The following LRRK1 variants were observed in gnomAD, a reference collection of about 807,000 sequenced individuals.
LRRK1 encodes the protein leucine-rich repeat serine/threonine-protein kinase 1.
LRRK1 carries 113 observed loss-of-function variants against 209.1 expected under a neutral mutation model. The observed-to-expected ratio is 0.54, with a 90% CI of 0.46 to 0.63. The LOEUF (loss-of-function observed/expected upper bound fraction) is 0.63, where lower values mean the gene tolerates loss of function less well. Ranked by LOEUF, LRRK1 falls within the 30% of genes least tolerant of loss-of-function variation. LRRK1 has a pLI of 0.00. For missense variants in LRRK1, 2,284 were observed against 2,632.2 expected (o/e 0.87, Z 2.89); for synonymous variants, 1,144 against 1,099.7 (o/e 1.04, Z -0.80).
rs2036681956 is a variant in LRRK1, at chr15:101,069,001, C to T, written c.*153C>T. The stretch of plus-strand genomic sequence containing the variant: ...TGCTAAGAAGTGCTGAGAAGTTACT[C>T]GCCTGGCGGTGGCTCCAGGGTTCTC... On this transcript the variant is annotated 3_prime_UTR_variant, in exon 34 of 34. Transcript: ENST00000388948. 5 of 714,142 alleles carry T rather than the reference C, an allele frequency of 7.0e-6. No individual in the cohort carries two copies. The Admixed American group carries it at 1.1e-4, about 15-fold the overall frequency. The allele number at this position is 714,142 out of a possible 1,614,324, so 44.2% of individuals were successfully genotyped here. A position where few individuals can be genotyped will look rare whatever the true frequency, so the allele number is the denominator to read the frequency against.
chr15:101,037,329 G>A (rs1598492), intron 20 of LRRK1, among the ~76,000 whole-genome samples: 39,719 of 152,128 alleles, frequency 0.26, 5,888 homozygotes, highest in Middle Eastern at 0.37. Context: ...AGAGTCGGTA[G>A]GCCCAACCTT....
At chr15:100,920,198 C>A (rs530838596) in intron 1 of LRRK1, 24 of 152,730 alleles carry the variant, frequency 1.6e-4, no homozygotes, top group African/African-American at 5.3e-4. Context: ...TCTCAACCTA[C>A]CCCTTCACAG....
chr15:100,945,853 G>A (rs375528486), intron 2 of LRRK1, among the ~76,000 whole-genome samples: 4 of 152,176 alleles, frequency 2.6e-5, no homozygotes, highest in East Asian at 1.9e-4. Context: ...ATTTCTAGGC[G>A]CTGTTAGTGT....
At chr15:100,989,181 A>G in intron 5 of LRRK1, 69 bp from the exon 6 acceptor site, 1 of 1,327,814 alleles carries the variant, frequency 7.5e-7, no homozygotes, top group Non-Finnish European at 1.1e-6. Flanking sequence ...CACATATCAG[A>G]GTCTGCCCTT....
At chr15:101,025,534 A>G (rs2033986881) in intron 16 of LRRK1, among the ~76,000 whole-genome samples, 1 of 152,256 alleles carries the variant, frequency 6.6e-6, no homozygotes. Context: ...TGGCTTCAGC[A>G]TCTGTTGGCT....
chr15:101,040,237 G>T (rs554182443), intron 20 of LRRK1, among the ~76,000 whole-genome samples: 6 of 151,570 alleles, frequency 4.0e-5, no homozygotes, highest in Admixed American at 2.6e-4. Flanking sequence ...TAGCTATAGG[G>T]TTATTAAAAT....
intron 20 of LRRK1, 43 bp from the exon 21 acceptor site, chr15:101,045,938 G>C: frequency 1.3e-6 from 2 of 1,575,574 alleles, no homozygotes; most frequent in Non-Finnish European, 1.7e-6. Flanking sequence ...CTGCAGTGGA[G>C]CTTGGGCCCC....
At chr15:100,929,031 T>C (rs1054549524) in intron 2 of LRRK1, among the ~76,000 whole-genome samples, 4 of 152,204 alleles carry the variant, frequency 2.6e-5, no homozygotes, top group African/African-American at 9.7e-5. Context: ...GTCAATGAGA[T>C]GCTGGGCATG....
intron 6 of LRRK1, among the ~76,000 whole-genome samples, chr15:100,990,183 A>G (rs528042525): frequency 6.6e-6 from 1 of 152,280 alleles, no homozygotes; most frequent in African/African-American, 2.4e-5. Flanking sequence ...ATTGTCTTCA[A>G]CTTGGCTTTT....
chr15:101,047,773 C>T (rs2035168859), intron 21 of LRRK1, among the ~76,000 whole-genome samples: 1 of 152,232 alleles, frequency 6.6e-6, no homozygotes, highest in Non-Finnish European at 1.5e-5. Flanking sequence ...CCTCGGGATA[C>T]ATCCAGAGCT....
At position 101,028,971 on chromosome 15, in the gene LRRK1, T is replaced by C. The variant is rs1224886642; in HGVS notation, c.2702T>C (p.Ile901Thr). 2 of 1,613,910 alleles carry C rather than the reference T, an allele frequency of 1.2e-6. No homozygotes were observed. Among genetic ancestry groups the C allele is most frequent in the Non-Finnish European group, 8.5e-7 (1 of 1,179,902 alleles). ...CCTGGGGCAGCCATCAGCTTCCTCA[T>C]AGAAACCGGCACCCTGCTCCATTTC... ...EDLQSAISFL[I>T]ETGTLLHFPD... The change falls in exon 20 of 34, where the codon ATA (isoleucine) becomes ACA (threonine). Residue 901 changes from isoleucine to threonine, a missense_variant. Coordinates refer to ENST00000388948, the MANE Select transcript of LRRK1 (RefSeq NM_024652.6).
At chr15:100,979,687 A>AG (rs1354990268) in intron 3 of LRRK1, among the ~76,000 whole-genome samples, 2 of 152,332 alleles carry the variant, frequency 1.3e-5, no homozygotes, top group East Asian at 3.9e-4. Context: ...TATCTGACAA[A>AG]GGACTCATAG....
At chr15:100,959,373 G>C (rs2042827377) in intron 2 of LRRK1, among the ~76,000 whole-genome samples, 1 of 152,198 alleles carries the variant, frequency 6.6e-6, no homozygotes, top group Non-Finnish European at 1.5e-5. Flanking sequence ...TACTCTGCAG[G>C]GGACAGTCCA....
chr15:101,014,516 C>A, intron 11 of LRRK1, 88 bp downstream of exon 11: 1 of 867,958 alleles, frequency 1.2e-6, no homozygotes, highest in Non-Finnish European at 1.9e-6. Context: ...GCATGTGAGT[C>A]TGCGAGGGCT....
In LRRK1 at chr15:101,026,043, A is replaced by T; in HGVS notation, c.2311A>T (p.Ile771Phe). Residue 771 changes from isoleucine to phenylalanine, a missense_variant, in exon 17 of 34, where the codon ATT becomes TTT. By Grantham distance (21) the Ile-to-Phe change is conservative (BLOSUM62 0). Around this residue, in one of 6 missense-constraint regions of LRRK1, gnomAD observed 780 missense variants for 985.2 expected, o/e 0.79. Transcript: ENST00000388948. ...TGAAGCCAAGTTCCGTGTGGAAAGG[A>T]TTGCAACGCTGCGTGCCTATGTGCT... ...LIEAKFRVER[I>F]ATLRAYVLAL... The T allele has an allele frequency of 6.2e-7, 1 of 1,614,214 alleles. No individual in the cohort carries two copies. Among genetic ancestry groups the T allele is most frequent in the Non-Finnish European group, 8.5e-7 (1 of 1,180,028 alleles).
At chr15:100,993,821 CT>C (rs1431100041) in intron 6 of LRRK1, among the ~76,000 whole-genome samples, 3 of 151,980 alleles carry the variant, frequency 2.0e-5, no homozygotes, top group African/African-American at 7.3e-5. Flanking sequence ...TTACTATTTC[CT>C]TTTTACCCTT....
At chr15:100,997,076 A>ATTAGGTAAGATTATTAATAT (rs1172876019) in intron 6 of LRRK1, among the ~76,000 whole-genome samples, 1 of 133,728 alleles carries the variant, frequency 7.5e-6, no homozygotes, top group African/African-American at 2.8e-5. Context: ...GATTATTAAT[A>ATTAGGTAAGATTATTAATAT]TAATCATATC....
chr15:101,068,535 CAG>C (rs2036659245), intron 33 of LRRK1, 134 bp from the exon 34 acceptor site: 2 of 868,342 alleles, frequency 2.3e-6, no homozygotes, highest in Non-Finnish European at 3.4e-6. Context: ...CAGCACACCC[CAG>C]AGAGGGCTGG....
chr15:101,003,755 C>A (rs55759655), intron 6 of LRRK1, among the ~76,000 whole-genome samples: 37,418 of 152,120 alleles, frequency 0.25, 4,901 homozygotes, highest in East Asian at 0.51. Flanking sequence ...TCTCTATCTC[C>A]TTCAGGATGA....
Sources: gnomAD v4.1 joint callset for allele counts (sites outside exome capture counted in the v4.1 genomes callset) on GRCh38, gnomAD v4.1.1 for gene constraint, gnomAD v4.1.1 regional missense constraint, MANE v1.5 for transcripts, NCBI Gene and HGNC (gene_info 2026-07-23, HGNC 2026-07-21) for gene names.